Variants in TMEM45A observed in about 807,000 individuals in gnomAD.
TMEM45A encodes the protein DNA polymerase-transactivated protein 4.
TMEM45A carries 25 observed loss-of-function variants against 32.0 expected under a neutral mutation model. That is an observed-to-expected ratio of 0.78 (90% confidence interval 0.57 to 1.09). The LOEUF (loss-of-function observed/expected upper bound fraction) is 1.09, where lower values mean the gene tolerates loss of function less well. TMEM45A is among the 50% of genes least tolerant of loss of function. The pLI is 0.00. For synonymous variants in TMEM45A, 122 were observed against 114.8 expected (o/e 1.06, Z -0.40); for missense variants, 302 against 325.0 (o/e 0.93, Z 0.54).
chr3:100,519,459 C>T, intron 1 of TMEM45A: 2 of 1,073,382 alleles, frequency 1.9e-6, no homozygotes, highest in Admixed American at 2.3e-5. Context: ...TTTTTTATTC[C>T]AGAAACTTTT....
Position 100,577,084 on chromosome 3 carries a change from C to G in TMEM45A, c.*66C>G. 2 of 1,373,238 alleles carry G rather than the reference C, an allele frequency of 1.5e-6. No homozygotes were observed. Among genetic ancestry groups the G allele is most frequent in the Non-Finnish European group, 2.0e-6 (2 of 985,968 alleles). 85.1% of individuals were successfully genotyped at this position (1,373,238 alleles called of 1,614,324 possible). Reference sequence around the variant, plus strand: ...TTTTACATTGTTCTTGGTTTTGTTTCTCGATCTTTTGTTTGGAGAACAGCT... The same window carrying G: ...TTTTACATTGTTCTTGGTTTTGTTTGTCGATCTTTTGTTTGGAGAACAGCT... On this transcript the variant is annotated 3_prime_UTR_variant, in exon 6 of 6. Transcript: ENST00000323523.
chr3:100,573,391 G>C (rs1253863384), intron 5 of TMEM45A: 1 of 152,064 alleles, frequency 6.6e-6, no homozygotes, highest in Admixed American at 6.6e-5. Flanking sequence ...TTCATGATTT[G>C]GCTCTCTGTT....
In TMEM45A at chr3:100,552,216, T is replaced by TA. The variant is rs374074403; in HGVS notation, c.-3-2984dup. ...TTCTTTTTTAATATACTAACAGCCT[T>TA]AAAAAAAAAGTGGAGAAGGCCCAGG... On this transcript the variant is annotated intron_variant, in intron 1 of 5. Transcript: ENST00000323523. Among the ~76,000 whole-genome samples, 128 of 151,296 alleles carry TA rather than the reference T, an allele frequency of 8.5e-4. 2 individuals carry two copies. Among genetic ancestry groups the TA allele is most frequent in the Admixed American group, 7.3e-3 (111 of 15,186 alleles).
chr3:100,549,888 G>A lies in TMEM45A; in HGVS notation c.-3-5321G>A, dbSNP rs1261391434. Among the ~76,000 whole-genome samples, 4 of 151,782 alleles carry A rather than the reference G, an allele frequency of 2.6e-5. No individual in the cohort carries two copies. The South Asian group carries it at 6.3e-4, about 24-fold the overall frequency. ...CCAGTTTCATCCATGTCCCTACAAA[G>A]GACATGAACTCATCATTTTTTATGG... On this transcript the variant is annotated intron_variant, in intron 1 of 5. Transcript: ENST00000323523.
At chr3:100,537,330 C>T (rs143854696) in intron 1 of TMEM45A, among the ~76,000 whole-genome samples, 28 of 152,216 alleles carry the variant, frequency 1.8e-4, no homozygotes, top group East Asian at 1.9e-4. Context: ...TGGGGAGAAC[C>T]GGATGCTGGT....
chr3:100,554,449 G>A (rs1350625997), intron 1 of TMEM45A, among the ~76,000 whole-genome samples: 1 of 152,222 alleles, frequency 6.6e-6, no homozygotes, highest in Non-Finnish European at 1.5e-5. Flanking sequence ...GGCAAGATAA[G>A]AGAGAGGTAA....
chr3:100,541,721 G>C (rs879340246), intron 1 of TMEM45A, among the ~76,000 whole-genome samples: 17 of 152,034 alleles, frequency 1.1e-4, no homozygotes, highest in African/African-American at 3.6e-4. Flanking sequence ...AGTAGAGACA[G>C]GGTTTTGCCA....
intron 5 of TMEM45A, among the ~76,000 whole-genome samples, chr3:100,576,346 G>A (rs1319753353): frequency 6.6e-6 from 1 of 152,172 alleles, no homozygotes; most frequent in Non-Finnish European, 1.5e-5. Flanking sequence ...AGCTACTCAG[G>A]AGGCTGAGGC....
At chr3:100,576,050 T>C (rs1318379098) in intron 5 of TMEM45A, among the ~76,000 whole-genome samples, 1 of 152,064 alleles carries the variant, frequency 6.6e-6, no homozygotes, top group Non-Finnish European at 1.5e-5. Context: ...CGGTGGCTCA[T>C]GCCTATAATC....
intron 1 of TMEM45A, among the ~76,000 whole-genome samples, chr3:100,554,781 C>T (rs114242205): frequency 0.011 from 1,630 of 152,314 alleles, 33 homozygotes; most frequent in African/African-American, 0.037. Flanking sequence ...GAAGTATATA[C>T]TGTGGATGTG....
chr3:100,554,620 T>C (rs568042357), intron 1 of TMEM45A, among the ~76,000 whole-genome samples: 1 of 152,354 alleles, frequency 6.6e-6, no homozygotes, highest in African/African-American at 2.4e-5. Flanking sequence ...TGAACACTAA[T>C]TGTTTCTTCC....
intron 1 of TMEM45A, among the ~76,000 whole-genome samples, chr3:100,516,370 A>G (rs1313347849): frequency 1.3e-5 from 2 of 152,206 alleles, no homozygotes; most frequent in Non-Finnish European, 2.9e-5. Flanking sequence ...TGTGGTGGTA[A>G]TGAGTAAAAG....
At chr3:100,547,522 G>C (rs1377787915) in intron 1 of TMEM45A, among the ~76,000 whole-genome samples, 1 of 151,916 alleles carries the variant, frequency 6.6e-6, no homozygotes, top group African/African-American at 2.4e-5. Flanking sequence ...AAGTGGAAGT[G>C]GATCATCATA....
intron 1 of TMEM45A, among the ~76,000 whole-genome samples, chr3:100,539,450 T>TATGC (rs60074458): frequency 1.7e-5 from 2 of 115,008 alleles, no homozygotes; most frequent in African/African-American, 3.7e-5. Context: ...TATGTATATG[T>TATGC]ATATGTATAT....
At chr3:100,533,427 C>T (rs1705685063) in intron 1 of TMEM45A, among the ~76,000 whole-genome samples, 1 of 152,064 alleles carries the variant, frequency 6.6e-6, no homozygotes, top group Non-Finnish European at 1.5e-5. Context: ...TCTTAGCATT[C>T]CTCACGTCTG....
intron 1 of TMEM45A, among the ~76,000 whole-genome samples, chr3:100,529,749 T>C (rs1705611791): frequency 6.6e-6 from 1 of 152,112 alleles, no homozygotes; most frequent in Non-Finnish European, 1.5e-5. Flanking sequence ...GCCTCCTGAG[T>C]AGTTGGGACT....
At position 100,512,865 on chromosome 3, in the gene TMEM45A, G is replaced by A. The variant is rs796566489; in HGVS notation, c.-4+19937G>A. 3.9e-5 allele frequency among the ~76,000 whole-genome samples: 6 copies of A among 152,042 alleles called. No individual in the cohort carries two copies. The East Asian group carries it at 1.2e-3, about 29-fold the overall frequency. On this transcript the variant is annotated intron_variant, in intron 1 of 5. Coordinates refer to ENST00000323523, the MANE Select transcript of TMEM45A (RefSeq NM_018004.3). ...CAAACACCTCTACACAAATAAACTA[G>A]AAAATCTAGAAGAAATGGATAAATT...
At chr3:100,529,634 A>C (rs1283518758) in intron 1 of TMEM45A, among the ~76,000 whole-genome samples, 1 of 151,928 alleles carries the variant, frequency 6.6e-6, no homozygotes, top group Non-Finnish European at 1.5e-5. Flanking sequence ...TTTTACTTTT[A>C]TTTTTGTGAT....
At chr3:100,551,347 A>G (rs940605459) in intron 1 of TMEM45A, among the ~76,000 whole-genome samples, 1 of 152,114 alleles carries the variant, frequency 6.6e-6, no homozygotes, top group Non-Finnish European at 1.5e-5. Context: ...AAGTGGTAGG[A>G]TCAGGTAGGA....
Sources: allele counts gnomAD v4.1 joint callset (sites outside exome capture counted in the v4.1 genomes callset), GRCh38; gene constraint gnomAD v4.1.1; transcripts MANE v1.5; gene names NCBI Gene and HGNC (gene_info 2026-07-23, HGNC 2026-07-21).